The following RALGPS1 variants were observed in gnomAD, a reference collection of about 807,000 sequenced individuals.
RALGPS1 encodes the protein Ral GEF with PH domain and SH3 binding motif 1.
In RALGPS1, 19 loss-of-function variants were observed where a neutral mutation model predicts 78.8. That is an observed-to-expected ratio of 0.24 (90% confidence interval 0.17 to 0.35). The LOEUF (loss-of-function observed/expected upper bound fraction) is 0.35, where lower values mean the gene tolerates loss of function less well. RALGPS1 is among the 10% of genes least tolerant of loss of function. The probability of loss-of-function intolerance (pLI) is 1.00; values close to 1 mark genes in which losing one functional copy is unlikely to be tolerated. For missense variants in RALGPS1, 454 were observed against 688.3 expected, an observed-to-expected ratio of 0.66 and a Z score of 3.81; for synonymous variants, 228 against 256.3, an observed-to-expected ratio of 0.89 and a Z score of 1.06.
At chr9:127,068,405 C>T (rs2135820036) in intron 7 of RALGPS1, among the ~76,000 whole-genome samples, 1 of 152,308 alleles carries the variant, frequency 6.6e-6, no homozygotes, top group African/African-American at 2.4e-5. Context: ...TGAAATAACT[C>T]TTCAGGTGAC....
chr9:127,198,289 C>T (rs542485442), intron 13 of RALGPS1, among the ~76,000 whole-genome samples: 34 of 152,192 alleles, frequency 2.2e-4, no homozygotes, highest in Non-Finnish European at 3.8e-4. Context: ...CTCCCCCTTT[C>T]CCAGTGCTCA....
chr9:127,209,849 G>C (rs1463349127), intron 14 of RALGPS1, among the ~76,000 whole-genome samples: 1 of 152,192 alleles, frequency 6.6e-6, no homozygotes, highest in Non-Finnish European at 1.5e-5. Context: ...AGGACTGAGG[G>C]GATCTTACAA....
At chr9:127,060,069 T>TAA (rs973161410) in intron 7 of RALGPS1, among the ~76,000 whole-genome samples, 3 of 152,160 alleles carry the variant, frequency 2.0e-5, no homozygotes, top group African/African-American at 7.2e-5. Flanking sequence ...CTGCTGTGTA[T>TAA]AAGCCTTTGC....
intron 1 of RALGPS1, among the ~76,000 whole-genome samples, chr9:126,932,471 T>C (rs1354083824): frequency 6.6e-6 from 1 of 152,166 alleles, no homozygotes; most frequent in African/African-American, 2.4e-5. Context: ...AGCAGCTCCA[T>C]CTGTAATAGC....
At chr9:127,056,148 A>G (rs752883258) in intron 7 of RALGPS1, among the ~76,000 whole-genome samples, 4 of 152,194 alleles carry the variant, frequency 2.6e-5, no homozygotes, top group Non-Finnish European at 5.9e-5. Context: ...CTGGTGGGGA[A>G]GAGGAAGATG....
intron 4 of RALGPS1, among the ~76,000 whole-genome samples, chr9:127,033,742 G>GTCCAGC (rs1338600840): frequency 6.6e-6 from 1 of 152,136 alleles, no homozygotes; most frequent in African/African-American, 2.4e-5. Flanking sequence ...CTCCTATTGT[G>GTCCAGC]TCCAGCTTTT....
intron 8 of RALGPS1, among the ~76,000 whole-genome samples, chr9:127,162,054 C>T (rs2059052384): frequency 6.6e-6 from 1 of 152,192 alleles, no homozygotes; most frequent in African/African-American, 2.4e-5. Flanking sequence ...GTGGCTCTCT[C>T]TTCAGCTACA....
intron 8 of RALGPS1, chr9:127,079,454 T>C (rs1217171976): frequency 6.6e-6 from 1 of 152,222 alleles, no homozygotes; most frequent in Admixed American, 6.5e-5. Flanking sequence ...TCTCTTCCCC[T>C]TGAGTGTAGG....
chr9:127,213,051 T>G lies in RALGPS1; in HGVS notation c.1552+2T>G, dbSNP rs1300871571. On this transcript the variant is annotated splice_donor_variant, in intron 17 of 18. Coordinates refer to ENST00000259351, the MANE Select transcript of RALGPS1 (RefSeq NM_014636.3). LOFTEE classifies it high-confidence loss of function. ...TCCAGCTGAACAACCCTGACAAAGG[T>G]AGGCAGCAGGCCAGAGCTGGCGCCT... is the stretch of plus-strand genomic sequence containing the variant. 2 of 1,614,072 alleles carry G rather than the reference T, an allele frequency of 1.2e-6. No homozygotes were observed. Among genetic ancestry groups the G allele is most frequent in the African/African-American group, 2.7e-5 (2 of 74,930 alleles).
chr9:127,079,687 T>C (rs1308390462), intron 8 of RALGPS1: 1 of 152,042 alleles, frequency 6.6e-6, no homozygotes, highest in African/African-American at 2.4e-5. Context: ...GTGAGGGAGT[T>C]TGGAAGAAGA....
intron 1 of RALGPS1, among the ~76,000 whole-genome samples, chr9:126,954,272 C>A (rs1422405443): frequency 6.6e-6 from 1 of 152,206 alleles, no homozygotes; most frequent in East Asian, 1.9e-4. Flanking sequence ...GTTCCTCTCT[C>A]TTCTTTTCCC....
chr9:127,147,498 T>C (rs1564664655), intron 8 of RALGPS1, among the ~76,000 whole-genome samples: 1 of 152,242 alleles, frequency 6.6e-6, no homozygotes, highest in Non-Finnish European at 1.5e-5. Context: ...TTTAGGACTT[T>C]TAATAGTTTA....
chr9:126,944,523 A>G (rs927820460), intron 1 of RALGPS1, among the ~76,000 whole-genome samples: 1 of 137,412 alleles, frequency 7.3e-6, no homozygotes, highest in African/African-American at 2.6e-5. Context: ...TTTCACAGGA[A>G]ATGTTGAGAC....
At chr9:127,206,587 G>A (rs933004765) in intron 14 of RALGPS1, among the ~76,000 whole-genome samples, 3 of 152,232 alleles carry the variant, frequency 2.0e-5, no homozygotes, top group East Asian at 1.9e-4. Context: ...CCCATGACAC[G>A]TGGAGATTAT....
At chr9:127,145,176 C>T (rs904048731) in intron 8 of RALGPS1, among the ~76,000 whole-genome samples, 1 of 152,204 alleles carries the variant, frequency 6.6e-6, no homozygotes. Context: ...GGAGGACCAG[C>T]TTGACTTTCA....
intron 1 of RALGPS1, among the ~76,000 whole-genome samples, chr9:126,916,961 A>T (rs1280248223): frequency 6.6e-6 from 1 of 152,210 alleles, no homozygotes; most frequent in African/African-American, 2.4e-5. Flanking sequence ...GCTCACTGGT[A>T]GTTGACCAGT....
intron 8 of RALGPS1, among the ~76,000 whole-genome samples, chr9:127,109,962 C>T (rs1309417530): frequency 6.6e-6 from 1 of 152,208 alleles, no homozygotes; most frequent in Non-Finnish European, 1.5e-5. Flanking sequence ...ACTCGAGGGC[C>T]TTGCTCCAGC....
At chr9:127,189,528 CTACTT>C (rs1005244242) in intron 11 of RALGPS1, among the ~76,000 whole-genome samples, 1 of 152,216 alleles carries the variant, frequency 6.6e-6, no homozygotes, top group Non-Finnish European at 1.5e-5. Context: ...TTCTACTACT[CTACTT>C]GCAAGTTGAA....
chr9:126,938,585 A>C (rs565413592), intron 1 of RALGPS1, among the ~76,000 whole-genome samples: 84 of 152,168 alleles, frequency 5.5e-4, no homozygotes, highest in African/African-American at 2.0e-3. Flanking sequence ...AGGGCGTACA[A>C]GGAAGGGTGG....
Sources: allele counts gnomAD v4.1 joint callset (sites outside exome capture counted in the v4.1 genomes callset), GRCh38; gene constraint gnomAD v4.1.1; transcripts MANE v1.5; gene names NCBI Gene and HGNC (gene_info 2026-07-23, HGNC 2026-07-21).